BSND: variants seen among roughly 807,000 people sequenced by gnomAD.
The protein encoded by BSND is barttin CLCNK type accessory subunit beta.
BSND carries 13 observed loss-of-function variants against 18.8 expected under a neutral mutation model. The ratio of observed to expected loss-of-function variants is 0.69; its 90% CI spans 0.45 to 1.10. The LOEUF (loss-of-function observed/expected upper bound fraction) is 1.10. Among genes scored for constraint, BSND ranks in the 50% least tolerant of loss-of-function variants. The pLI is 0.00. For missense variants in BSND, 379 were observed against 416.7 expected, an observed-to-expected ratio of 0.91 and a Z score of 0.79; for synonymous variants, 170 against 161.8, an observed-to-expected ratio of 1.05 and a Z score of -0.39.
chr1:55,008,929 G>A lies in BSND; in HGVS notation c.*301G>A. 2.2e-6 allele frequency: 1 copy of A among 461,300 alleles called. No individual in the cohort carries two copies. Among genetic ancestry groups the A allele is most frequent in the Non-Finnish European group, 4.0e-6 (1 of 251,798 alleles). 28.6% of individuals were successfully genotyped at this position (461,300 alleles called of 1,614,324 possible). Reference sequence around the variant, plus strand: ...TTCCCCCAAAGCTGACCTCTGAGAGGAACCTTCCTTGGTGCTCCCTCTGGG... The same window carrying A: ...TTCCCCCAAAGCTGACCTCTGAGAGAAACCTTCCTTGGTGCTCCCTCTGGG... On this transcript the variant is annotated 3_prime_UTR_variant, in exon 4 of 4. Transcript: ENST00000651561.
chr1:55,000,956 G>A (rs1244586173), intron 1 of BSND, among the ~76,000 whole-genome samples: 1 of 152,168 alleles, frequency 6.6e-6, no homozygotes, highest in Non-Finnish European at 1.5e-5. Context: ...TGGGAGTGAC[G>A]GTAGAGGGGA....
At chr1:55,001,984 T>C (rs944459213) in intron 1 of BSND, among the ~76,000 whole-genome samples, 1 of 152,160 alleles carries the variant, frequency 6.6e-6, no homozygotes, top group African/African-American at 2.4e-5. Flanking sequence ...GAGCTTGTCC[T>C]TTAGTTAATG....
chr1:54,999,102 T>A lies in BSND; in HGVS notation c.-85T>A. The A allele has an allele frequency of 6.5e-7, 1 of 1,529,258 alleles. No individual in the cohort carries two copies. Among genetic ancestry groups the A allele is most frequent in the Non-Finnish European group, 9.0e-7 (1 of 1,114,032 alleles). The allele number at this position is 1,529,258 out of a possible 1,614,324, so 94.7% of individuals were successfully genotyped here. On this transcript the variant is annotated 5_prime_UTR_variant, in exon 1 of 4. Coordinates refer to ENST00000651561, the MANE Select transcript of BSND (RefSeq NM_057176.3). Reference sequence around the variant, plus strand: ...CAGCGATTTCAGTGTCTTCTCTCCCTGTGTAAGCCTGTCTCGGTGTTTAGG... The same window carrying A: ...CAGCGATTTCAGTGTCTTCTCTCCCAGTGTAAGCCTGTCTCGGTGTTTAGG...
At chr1:55,004,126 G>A (rs1357061849) in intron 1 of BSND, among the ~76,000 whole-genome samples, 1 of 152,180 alleles carries the variant, frequency 6.6e-6, no homozygotes, top group Non-Finnish European at 1.5e-5. Flanking sequence ...TCAGCATAAT[G>A]TCCTCGAGGT....
Position 55,009,280 on chromosome 1 carries a change from A to C in BSND, c.*652A>C. ...TGGCAAATTCGTGCTCACCCTTCAA[A>C]CCCCTACACAGATGACCTCCCTTGG... On this transcript the variant is annotated 3_prime_UTR_variant, in exon 4 of 4. Transcript: ENST00000651561. 1 of 155,092 alleles carries C rather than the reference A, an allele frequency of 6.4e-6. No homozygotes were observed. Among genetic ancestry groups the C allele is most frequent in the Non-Finnish European group, 1.4e-5 (1 of 69,950 alleles). 9.6% of individuals were successfully genotyped at this position (155,092 alleles called of 1,614,324 possible). A position where few individuals can be genotyped will look rare whatever the true frequency, so the allele number is the denominator to read the frequency against.
rs1644445314 is a variant in BSND, at chr1:55,015,504, G to C, written c.*6876G>C. Among the ~76,000 whole-genome samples the C allele has an allele frequency of 6.6e-6, 1 of 152,236 alleles. No individual in the cohort carries two copies. Among genetic ancestry groups the C allele is most frequent in the Admixed American group, 6.5e-5 (1 of 15,286 alleles). On this transcript the variant is annotated 3_prime_UTR_variant, in exon 4 of 4. Coordinates refer to ENST00000651561, the MANE Select transcript of BSND (RefSeq NM_057176.3). ...GGCCCCACTGGTGATTCTGCAGATA[G>C]TCCCTGCACATCCCGGAGAAGAGCA...
rs1250541390 is a variant in BSND at position 55,014,041 on chromosome 1, C to A, written c.*5413C>A. Among the ~76,000 whole-genome samples, 4 of 152,194 alleles carry A rather than the reference C, an allele frequency of 2.6e-5. No individual in the cohort carries two copies. The highest frequency in any genetic ancestry group is 5.9e-5 in the Non-Finnish European group (4 of 68,034). ...TCCGAATCCCTCCTAAACTGTGTGC[C>A]CCGCTCTGTCCCCAGCACTTCTGAA... is the stretch of plus-strand genomic sequence containing the variant. On this transcript the variant is annotated 3_prime_UTR_variant, in exon 4 of 4. Transcript: ENST00000651561.
chr1:54,999,268 C>G lies in BSND; in HGVS notation c.82C>G (p.His28Asp). Residue 28 changes from histidine (H) to aspartate (D), a missense_variant, in exon 1 of 4, where the codon CAT becomes GAT. His to Asp is a moderately conservative substitution (Grantham distance 81). Transcript: ENST00000651561. ...LLALGTFLMS[H>D]DRPQVYGTFY... ...GGCCCTCGGTACGTTCCTCATGAGC[C>G]ATGATCGGCCCCAGGTCTACGGCAC... The G allele has an allele frequency of 6.2e-7, 1 of 1,614,124 alleles. No individual in the cohort carries two copies. The highest frequency in any genetic ancestry group is 8.5e-7 in the Non-Finnish European group (1 of 1,180,034).
chr1:54,999,083 T>C lies in BSND; in HGVS notation c.-104T>C. On this transcript the variant is annotated 5_prime_UTR_variant, in exon 1 of 4. Coordinates refer to ENST00000651561, the MANE Select transcript of BSND (RefSeq NM_057176.3). ...CCCTTGAAGCCTTGAGTTGCAGCGA[T>C]TTCAGTGTCTTCTCTCCCTGTGTAA... The C allele has an allele frequency of 7.0e-7, 1 of 1,420,868 alleles. No homozygotes were observed. Among genetic ancestry groups the C allele is most frequent in the Non-Finnish European group, 9.8e-7 (1 of 1,022,002 alleles). The allele number at this position is 1,420,868 out of a possible 1,614,324, so 88.0% of individuals were successfully genotyped here.
chr1:55,007,367 G>C, intron 3 of BSND, 95 bp downstream of exon 3: 1 of 1,345,626 alleles, frequency 7.4e-7, no homozygotes, highest in Admixed American at 2.7e-5. Context: ...TGGGGACACT[G>C]GGGGTAAGGA....
chr1:55,004,922 G>A, intron 1 of BSND, 100 bp from the exon 2 acceptor site: 2 of 1,105,006 alleles, frequency 1.8e-6, no homozygotes, highest in Non-Finnish European at 2.7e-6. Context: ...GGTGCAGCCT[G>A]TCTCCCAGAG....
In BSND at chr1:54,999,198, G is replaced by A; in HGVS notation, c.12G>A (p.Glu4=). 6.2e-7 allele frequency: 1 copy of A among 1,614,134 alleles called. No homozygotes were observed. Among genetic ancestry groups the A allele is most frequent in the Admixed American group, 1.7e-5 (1 of 60,032 alleles). Residue 4 remains glutamate, a synonymous_variant, in exon 1 of 4, where the codon GAG becomes GAA. Transcript: ENST00000651561. MAD[E]KTFRIGFIVL... ...CTGGCCAGGCAGCCATGGCTGACGA[G>A]AAGACCTTCCGGATCGGCTTCATTG...
At position 55,010,200 on chromosome 1, in the gene BSND, C is replaced by T. The variant is rs553504163; in HGVS notation, c.*1572C>T. On this transcript the variant is annotated 3_prime_UTR_variant, in exon 4 of 4. Transcript: ENST00000651561. ...GAGCTTGATTTCTGTGAGTGCAGAG[C>T]AGAAGCTGAGGTGGGAACAGAGAAG... is the stretch of plus-strand genomic sequence containing the variant. 1 of 152,324 alleles carries T rather than the reference C, an allele frequency of 6.6e-6. No individual in the cohort carries two copies. The highest frequency in any genetic ancestry group is 1.9e-4 in the East Asian group (1 of 5,192). 9.4% of individuals were successfully genotyped at this position (152,324 alleles called of 1,614,324 possible). A position where few individuals can be genotyped will look rare whatever the true frequency, so the allele number is the denominator to read the frequency against.
intron 1 of BSND, among the ~76,000 whole-genome samples, 164 bp from the exon 2 acceptor site, chr1:55,004,858 G>T (rs1223524318): frequency 6.6e-6 from 1 of 152,218 alleles, no homozygotes; most frequent in Non-Finnish European, 1.5e-5. Flanking sequence ...CCATCCTCCC[G>T]CTGGTGCTGT....
intron 1 of BSND, among the ~76,000 whole-genome samples, chr1:55,003,083 G>GATGATAATAGTGATA (rs1644369829): frequency 2.5e-5 from 1 of 39,558 alleles, no homozygotes; most frequent in Non-Finnish European, 5.4e-5. Flanking sequence ...TGACGGTGAT[G>GATGATAATAGTGATA]ATGATGGTGC....
chr1:55,008,407 A>G lies in BSND; in HGVS notation c.742A>G (p.Thr248Ala), dbSNP rs1203968605. The change falls in exon 4 of 4, where the codon ACG becomes GCG. Residue 248 changes from threonine (T) to alanine (A), a missense_variant. Coordinates refer to ENST00000651561, the MANE Select transcript of BSND (RefSeq NM_057176.3). ...FQDFALIDAP[T>A]LEDEPQEGQQ... ...AGACTTTGCCCTGATTGATGCCCCA[A>G]CGTTGGAGGATGAGCCCCAAGAGGG... 7 of 1,614,100 alleles carry G rather than the reference A, an allele frequency of 4.3e-6. No individual in the cohort carries two copies. In the South Asian group the frequency reaches 4.4e-5, roughly 10 times the overall value.
At position 55,008,761 on chromosome 1, in the gene BSND, T is replaced by A; in HGVS notation, c.*133T>A. On this transcript the variant is annotated 3_prime_UTR_variant, in exon 4 of 4. Transcript: ENST00000651561. ...TGAGATGGTGGCATTTTGAGAATGGTAAAGAAATACACAGGGAGGGGATGA... is the reference window on the plus strand; with the variant it reads ...TGAGATGGTGGCATTTTGAGAATGGAAAAGAAATACACAGGGAGGGGATGA... 1 of 1,326,968 alleles carries A rather than the reference T, an allele frequency of 7.5e-7. No individual in the cohort carries two copies. Among genetic ancestry groups the A allele is most frequent in the Admixed American group, 1.8e-5 (1 of 54,744 alleles). 82.2% of individuals were successfully genotyped at this position (1,326,968 alleles called of 1,614,324 possible). A position where few individuals can be genotyped will look rare whatever the true frequency, so the allele number is the denominator to read the frequency against.
chr1:55,000,701 T>C (rs905714759), intron 1 of BSND, among the ~76,000 whole-genome samples: 4 of 152,230 alleles, frequency 2.6e-5, no homozygotes, highest in African/African-American at 7.2e-5. Flanking sequence ...CTGGGCTGGT[T>C]TGTAGTCATT....
chr1:55,014,155 C>T lies in BSND; in HGVS notation c.*5527C>T, dbSNP rs543912350. 3.9e-5 allele frequency among the ~76,000 whole-genome samples: 6 copies of T among 152,348 alleles called. No individual in the cohort carries two copies. The highest frequency in any genetic ancestry group is 1.9e-4 in the East Asian group (1 of 5,186). ...TCTTCCCCGCCAATACTTCTATCCC[C>T]AGGACTTAGCAAAAGCAAGGAACAG... On this transcript the variant is annotated 3_prime_UTR_variant, in exon 4 of 4. Coordinates refer to ENST00000651561, the MANE Select transcript of BSND (RefSeq NM_057176.3).
Sources: allele counts gnomAD v4.1 joint callset (sites outside exome capture counted in the v4.1 genomes callset), GRCh38; gene constraint gnomAD v4.1.1; transcripts MANE v1.5; gene names NCBI Gene and HGNC (gene_info 2026-07-23, HGNC 2026-07-21).